Variants in PCDHA10 observed in about 807,000 individuals in gnomAD.
PCDHA10 encodes the protein protocadherin alpha 10, also known as protocadherin alpha-10.
PCDHA10 carries 45 observed loss-of-function variants against 61.2 expected under a neutral mutation model. That is an observed-to-expected ratio of 0.74 (90% CI 0.58 to 0.94). The LOEUF (loss-of-function observed/expected upper bound fraction) is 0.94, where lower values mean the gene tolerates loss of function less well. PCDHA10 is among the 40% of genes least tolerant of loss of function. PCDHA10 has a pLI of 0.00. For synonymous variants in PCDHA10, 602 were observed against 548.8 expected (o/e 1.10, Z -1.35); for missense variants, 1,278 against 1,236.2 (o/e 1.03, Z -0.51).
At chr5:140,984,177 A>G (rs1337365733) in intron 3 of PCDHA10, among the ~76,000 whole-genome samples, 3 of 152,190 alleles carry the variant, frequency 2.0e-5, no homozygotes, top group Non-Finnish European at 4.4e-5. Context: ...AAGCCACGTG[A>G]AATCATGACT....
intron 1 of PCDHA10, among the ~76,000 whole-genome samples, chr5:140,931,648 T>G (rs1258876806): frequency 6.6e-6 from 1 of 152,014 alleles, no homozygotes; most frequent in African/African-American, 2.4e-5. Context: ...TGCTAATAAT[T>G]GTTGTGGGCT....
intron 3 of PCDHA10, among the ~76,000 whole-genome samples, chr5:141,002,460 C>T (rs1554258683): frequency 2.0e-5 from 3 of 152,174 alleles, no homozygotes; most frequent in African/African-American, 7.2e-5. Context: ...ATTTGTATAA[C>T]GCTTTAGCAT....
rs79396364 is a variant in PCDHA10 at position 140,939,917 on chromosome 5, T to C, written c.2389-39032T>C. On this transcript the variant is annotated intron_variant, in intron 1 of 3. Transcript: ENST00000307360. ...TATTCTGCATTCTTTTTTATTCTTT[T>C]TGTTTGCTTATTTTATCAGTTACTG... is the stretch of plus-strand genomic sequence containing the variant. Among the ~76,000 whole-genome samples, 828 of 152,316 alleles carry C rather than the reference T, an allele frequency of 5.4e-3. 3 individuals carry two copies. The highest frequency in any genetic ancestry group is 0.019 in the African/African-American group (797 of 41,560).
intron 1 of PCDHA10, among the ~76,000 whole-genome samples, chr5:140,873,700 A>G (rs1411262715): frequency 3.3e-5 from 5 of 152,202 alleles, no homozygotes; most frequent in African/African-American, 1.2e-4. Flanking sequence ...TTGCTCTATC[A>G]CCCAGGCTGG....
intron 1 of PCDHA10, among the ~76,000 whole-genome samples, chr5:140,969,910 A>G (rs1364534841): frequency 9.9e-5 from 15 of 152,216 alleles, no homozygotes; most frequent in African/African-American, 3.6e-4. Context: ...GTCACAAGTG[A>G]TAAAGCTGTA....
intron 1 of PCDHA10, among the ~76,000 whole-genome samples, chr5:140,880,113 C>T (rs957295411): frequency 4.6e-5 from 7 of 152,220 alleles, no homozygotes; most frequent in Admixed American, 3.3e-4. Context: ...GAAGGATAGA[C>T]AACAGGAAGC....
chr5:140,876,553 G>A, intron 1 of PCDHA10: 2 of 1,614,216 alleles, frequency 1.2e-6, no homozygotes, highest in African/African-American at 2.7e-5. Context: ...CCCTGTGCAA[G>A]AGGATGCTCA....
rs1162515573 is a variant in PCDHA10, at chr5:140,941,250, T to C, written c.2389-37699T>C. 3.6e-5 allele frequency among the ~76,000 whole-genome samples: 5 copies of C among 139,366 alleles called. No homozygotes were observed. In the East Asian group the frequency reaches 1.0e-3, roughly 29 times the overall value. 91.4% of individuals were successfully genotyped at this position (139,366 alleles called of 152,430 possible). A position where few individuals can be genotyped will look rare whatever the true frequency, so the allele number is the denominator to read the frequency against. ...TTCTTTCTTTCTTTCTTTCTTTCTT[T>C]CTTTCTCTTTCTTTCTTTCTTTCCT... is the stretch of plus-strand genomic sequence containing the variant. On this transcript the variant is annotated intron_variant, in intron 1 of 3. Coordinates refer to ENST00000307360, the MANE Select transcript of PCDHA10 (RefSeq NM_018901.4).
chr5:140,958,672 A>G (rs1554223601), intron 1 of PCDHA10, among the ~76,000 whole-genome samples: 1 of 152,218 alleles, frequency 6.6e-6, no homozygotes, highest in African/African-American at 2.4e-5. Context: ...AATTTTAATT[A>G]TAAAGGATAT....
chr5:140,994,962 T>C (rs2097657475), intron 3 of PCDHA10, among the ~76,000 whole-genome samples: 2 of 152,208 alleles, frequency 1.3e-5, no homozygotes, highest in Admixed American at 1.3e-4. Flanking sequence ...TGTAGTTTCA[T>C]TTGTTGGCCA....
At chr5:140,863,693 C>G (rs2048122696) in intron 1 of PCDHA10, 2 of 301,444 alleles carry the variant, frequency 6.6e-6, no homozygotes, top group African/African-American at 2.2e-5. Flanking sequence ...TTTTGAGATG[C>G]TTTATTTAAA....
At chr5:140,997,118 C>A (rs1319289091) in intron 3 of PCDHA10, among the ~76,000 whole-genome samples, 24 of 152,088 alleles carry the variant, frequency 1.6e-4, no homozygotes, top group Non-Finnish European at 3.1e-4. Context: ...TGCTCTCCCA[C>A]ATACACAATG....
At chr5:140,980,507 G>A (rs1274816745) in intron 2 of PCDHA10, among the ~76,000 whole-genome samples, 1 of 152,136 alleles carries the variant, frequency 6.6e-6, no homozygotes, top group African/African-American at 2.4e-5. Flanking sequence ...GCATGTGCCT[G>A]TAGTTCCAGC....
At chr5:140,967,301 G>T in intron 1 of PCDHA10, 2 of 1,612,148 alleles carry the variant, frequency 1.2e-6, no homozygotes, top group Middle Eastern at 1.7e-4. Flanking sequence ...CGACGTGGGC[G>T]CCAACTCAGT....
At chr5:140,929,484 T>G (rs1445028927) in intron 1 of PCDHA10, 9 of 1,156,262 alleles carry the variant, frequency 7.8e-6, no homozygotes, top group Non-Finnish European at 1.0e-5. Flanking sequence ...AGTATAGAAG[T>G]ATTAGAAGAT....
In PCDHA10 at chr5:140,876,316, A is replaced by G. The variant is rs782671827; in HGVS notation, c.2388+17880A>G. ...TAATGGAGAAATTTCCTATGGGATC[A>G]AAATGATTTTGCCAGTGAGTGAGAA... is the stretch of plus-strand genomic sequence containing the variant. On this transcript the variant is annotated intron_variant, in intron 1 of 3. Transcript: ENST00000307360. 4 of 1,613,952 alleles carry G rather than the reference A, an allele frequency of 2.5e-6. No individual in the cohort carries two copies. Among genetic ancestry groups the G allele is most frequent in the Admixed American group, 3.3e-5 (2 of 60,018 alleles).
intron 1 of PCDHA10, chr5:140,871,468 G>C (rs781821721): frequency 6.2e-7 from 1 of 1,602,172 alleles, no homozygotes; most frequent in East Asian, 2.2e-5. Context: ...GGAAAGACAG[G>C]AGCCAGGGTC....
chr5:140,953,517 A>G (rs1554220954), intron 1 of PCDHA10, among the ~76,000 whole-genome samples: 1 of 152,168 alleles, frequency 6.6e-6, no homozygotes, highest in African/African-American at 2.4e-5. Flanking sequence ...CAAAGCAACA[A>G]AAACGGGAAA....
At chr5:140,890,596 C>T (rs1236261988) in intron 1 of PCDHA10, among the ~76,000 whole-genome samples, 5 of 152,064 alleles carry the variant, frequency 3.3e-5, no homozygotes, top group African/African-American at 1.2e-4. Context: ...AGCCCTTTTC[C>T]GAATAGCTAG....
Sources: gnomAD v4.1 joint callset for allele counts (sites outside exome capture counted in the v4.1 genomes callset) on GRCh38, gnomAD v4.1.1 for gene constraint, MANE v1.5 for transcripts, NCBI Gene and HGNC (gene_info 2026-07-23, HGNC 2026-07-21) for gene names.